The following DLG1 variants were observed in gnomAD, a reference collection of about 807,000 sequenced individuals.
DLG1 encodes discs large MAGUK scaffold protein 1, also known as disks large homolog 1.
A neutral mutation model predicts 123.4 loss-of-function variants in DLG1; 42 were observed. That is an observed-to-expected ratio of 0.34 (90% CI 0.27 to 0.44). The LOEUF (loss-of-function observed/expected upper bound fraction) is 0.44. DLG1 is among the 20% of genes least tolerant of loss of function. DLG1 has a pLI of 1.00. For synonymous variants in DLG1, 317 were observed against 356.2 expected (o/e 0.89, Z 1.24); for missense variants, 942 against 1,082.6 (o/e 0.87, Z 1.82).
At chr3:197,241,900 C>A (rs1425496297) in intron 4 of DLG1, among the ~76,000 whole-genome samples, 1 of 151,908 alleles carries the variant, frequency 6.6e-6, no homozygotes, top group African/African-American at 2.4e-5. Context: ...CTCTTAACCA[C>A]AAGAAAGGAA....
Position 197,298,598 on chromosome 3 carries a change from G to T in DLG1, c.-94C>A, listed in dbSNP as rs573325505. The T allele has an allele frequency of 6.5e-4, 261 of 398,578 alleles. 1 individual carries two copies. The East Asian group carries it at 9.3e-3, about 14-fold the overall frequency. 24.7% of individuals were successfully genotyped at this position (398,578 alleles called of 1,614,324 possible). A position where few individuals can be genotyped will look rare whatever the true frequency, so the allele number is the denominator to read the frequency against. On this transcript the variant is annotated 5_prime_UTR_variant, in exon 1 of 25. Transcript: ENST00000667157. ...CAACTCCGCGGCAGAGACAGCGCCT[G>T]GCGACCCCGGGGGTAGATCCCCACC...
chr3:197,077,659 T>C (rs1748179680), intron 17 of DLG1, among the ~76,000 whole-genome samples: 1 of 152,248 alleles, frequency 6.6e-6, no homozygotes, highest in African/African-American at 2.4e-5. Flanking sequence ...GTTGATTTGA[T>C]GTCTCTTATT....
At chr3:197,153,434 T>C (rs1286315208) in intron 5 of DLG1, among the ~76,000 whole-genome samples, 1 of 152,162 alleles carries the variant, frequency 6.6e-6, no homozygotes, top group African/African-American at 2.4e-5. Context: ...CCCCACACTC[T>C]ATCCCTCAGT....
At chr3:197,149,029 CTTT>C (rs1304578810) in intron 6 of DLG1, among the ~76,000 whole-genome samples, 4 of 152,128 alleles carry the variant, frequency 2.6e-5, no homozygotes, top group African/African-American at 4.8e-5. Flanking sequence ...CCTTTTTCTA[CTTT>C]TTTACCTTAA....
At chr3:197,110,587 GA>G (rs1172089574) in intron 13 of DLG1, among the ~76,000 whole-genome samples, 2 of 151,992 alleles carry the variant, frequency 1.3e-5, no homozygotes, top group African/African-American at 4.8e-5. Flanking sequence ...ATTTTATGAC[GA>G]AAAATAGGCA....
At chr3:197,239,393 C>A (rs1434033903) in intron 4 of DLG1, among the ~76,000 whole-genome samples, 1 of 152,038 alleles carries the variant, frequency 6.6e-6, no homozygotes, top group Non-Finnish European at 1.5e-5. Flanking sequence ...TTCTGCCAAC[C>A]ATTTAAAGAA....
rs184800411 is a variant in DLG1 at position 197,074,084 on chromosome 3, G to A, written c.2005+2502C>T. On this transcript the variant is annotated intron_variant, in intron 18 of 24. Coordinates refer to ENST00000667157, the MANE Select transcript of DLG1 (RefSeq NM_001366207.1). ...CAGTATTTACTACTACATAATCATGGGCACCTTGTCAACTGCCTTATATCA... is the reference window on the plus strand; with the variant it reads ...CAGTATTTACTACTACATAATCATGAGCACCTTGTCAACTGCCTTATATCA... Among the ~76,000 whole-genome samples the A allele has an allele frequency of 1.3e-4, 20 of 152,072 alleles. No individual in the cohort carries two copies. The East Asian group carries it at 3.5e-3, about 26-fold the overall frequency.
intron 4 of DLG1, among the ~76,000 whole-genome samples, chr3:197,240,964 G>C (rs1190408626): frequency 6.6e-6 from 1 of 152,052 alleles, no homozygotes; most frequent in East Asian, 1.9e-4. Context: ...AGAAAGTTGA[G>C]CAAAAGCATG....
chr3:197,298,347 C>G (rs922345659), intron 1 of DLG1, 189 bp downstream of exon 1: 5 of 396,728 alleles, frequency 1.3e-5, no homozygotes, highest in South Asian at 1.4e-4. Flanking sequence ...TGAAGTGGCT[C>G]TGAGAACAAA....
intron 10 of DLG1, among the ~76,000 whole-genome samples, chr3:197,131,754 C>T (rs543173353): frequency 7.3e-5 from 11 of 150,670 alleles, no homozygotes; most frequent in Admixed American, 2.0e-4. Flanking sequence ...CCACTACGCC[C>T]GGCTAATTTT....
chr3:197,266,808 A>G (rs1014016735), intron 4 of DLG1, among the ~76,000 whole-genome samples: 2 of 152,224 alleles, frequency 1.3e-5, no homozygotes, highest in Admixed American at 6.5e-5. Flanking sequence ...AAGATTAATC[A>G]TATCAGTGAA....
In DLG1 at chr3:197,051,036, T is replaced by G. The variant is rs866332844; in HGVS notation, c.2575+541A>C. On this transcript the variant is annotated intron_variant, in intron 24 of 24. Transcript: ENST00000667157. The stretch of plus-strand genomic sequence containing the variant: ...TTTTCTCTGGTCAAGTATGAATTAT[T>G]CCTGTTTTTGTTGTTCTAATCAATA... Among the ~76,000 whole-genome samples, 971 of 152,308 alleles carry G rather than the reference T, an allele frequency of 6.4e-3. 10 individuals are homozygous for G. The highest frequency in any genetic ancestry group is 6.7e-3 in the Non-Finnish European group (455 of 68,028).
intron 5 of DLG1, among the ~76,000 whole-genome samples, chr3:197,181,219 T>C (rs59397738): frequency 0.016 from 2,419 of 152,262 alleles, 68 homozygotes; most frequent in African/African-American, 0.054. Flanking sequence ...CTAAACCAGA[T>C]AGTTTTCATA....
intron 4 of DLG1, among the ~76,000 whole-genome samples, chr3:197,202,078 C>T (rs1726045153): frequency 6.6e-6 from 1 of 152,082 alleles, no homozygotes; most frequent in Non-Finnish European, 1.5e-5. Context: ...GCCCTGGAAG[C>T]CCTCATTTCA....
In DLG1 at chr3:197,048,945, C is replaced by T. The variant is rs117599065; in HGVS notation, c.2575+2632G>A. Among the ~76,000 whole-genome samples, 263 of 152,336 alleles carry T rather than the reference C, an allele frequency of 1.7e-3. 2 individuals carry two copies. Among genetic ancestry groups the T allele is most frequent in the Admixed American group, 0.01 (155 of 15,296 alleles). On this transcript the variant is annotated intron_variant, in intron 24 of 24. Coordinates refer to ENST00000667157, the MANE Select transcript of DLG1 (RefSeq NM_001366207.1). ...ATGCTGGGATTACAGGCATGAACCACTGTGCCCAGCCACCTCAAAAAATTA... is the reference window on the plus strand; with the variant it reads ...ATGCTGGGATTACAGGCATGAACCATTGTGCCCAGCCACCTCAAAAAATTA...
intron 4 of DLG1, among the ~76,000 whole-genome samples, chr3:197,222,693 C>T (rs2044861): frequency 0.24 from 36,529 of 152,060 alleles, 5,492 homozygotes; most frequent in East Asian, 0.68. Context: ...AAAATAGAAT[C>T]GCCAAGGCTT....
chr3:197,198,881 C>T (rs925363783), intron 4 of DLG1, among the ~76,000 whole-genome samples: 3 of 152,144 alleles, frequency 2.0e-5, no homozygotes, highest in African/African-American at 4.8e-5. Flanking sequence ...CAAAAGGTTA[C>T]ATGAAGTATC....
At chr3:197,079,922 G>T (rs1272812355) in intron 17 of DLG1, among the ~76,000 whole-genome samples, 1 of 151,928 alleles carries the variant, frequency 6.6e-6, no homozygotes, top group Non-Finnish European at 1.5e-5. Context: ...GAGATGTACA[G>T]AGTAAATTTA....
At chr3:197,223,596 C>T (rs1738281878) in intron 4 of DLG1, among the ~76,000 whole-genome samples, 1 of 152,138 alleles carries the variant, frequency 6.6e-6, no homozygotes, top group East Asian at 1.9e-4. Context: ...TTGTTGTTTA[C>T]ATACAAATTA....
Sources: gnomAD v4.1 joint callset for allele counts (sites outside exome capture counted in the v4.1 genomes callset) on GRCh38, gnomAD v4.1.1 for gene constraint, MANE v1.5 for transcripts, NCBI Gene and HGNC (gene_info 2026-07-23, HGNC 2026-07-21) for gene names.